The following USP42 variants were observed in gnomAD, a reference collection of about 807,000 sequenced individuals.
The protein encoded by USP42 is ubiquitin specific peptidase 42.
Under a neutral mutation model 113.0 loss-of-function variants are expected in USP42, and 23 were observed. The ratio of observed to expected loss-of-function variants is 0.20; its 90% CI spans 0.15 to 0.29. The LOEUF (loss-of-function observed/expected upper bound fraction) is 0.29, where lower values mean the gene tolerates loss of function less well. USP42 is among the 10% of genes least tolerant of loss of function. The pLI is 1.00. For synonymous variants in USP42, 933 were observed against 699.0 expected (o/e 1.33, Z -5.28); for missense variants, 2,174 against 1,779.8 (o/e 1.22, Z -3.99).
the USP42 span, among the ~76,000 whole-genome samples, chr7:6,098,893 A>C: frequency 6.7e-6 from 1 of 149,882 alleles, no homozygotes; most frequent in Non-Finnish European, 1.5e-5. Context: ...AGGTGTCTGC[A>C]TAGTCTTCGG....
the USP42 span, among the ~76,000 whole-genome samples, chr7:6,092,543 G>C: frequency 7.3e-5 from 11 of 151,058 alleles, no homozygotes; most frequent in African/African-American, 2.7e-4. Context: ...CCACTTCAGG[G>C]GTAAACCCAT....
rs368159644 is a variant in USP42 at position 6,115,350 on chromosome 7, A to G, written c.269A>G (p.Gln90Arg). The change falls in exon 3 of 18, where the codon CAG (glutamine) becomes CGG (arginine). Residue 90 changes from glutamine to arginine, a missense_variant. Gln to Arg is a conservative substitution (Grantham distance 43). Coordinates refer to ENST00000306177, the MANE Select transcript of USP42 (RefSeq NM_032172.3). ...CTAGGTGATGGCATCGCTCCTCCAC[A>G]GAAAGTTCTTTTCCCATCTGAGAAG... Reference protein sequence around the residue: ...QALGDGIAPPQKVLFPSEKIC... With the variant: ...QALGDGIAPPRKVLFPSEKIC... The G allele has an allele frequency of 1.9e-6, 3 of 1,614,044 alleles. No homozygotes were observed. Among genetic ancestry groups the G allele is most frequent in the Non-Finnish European group, 1.7e-6 (2 of 1,179,898 alleles).
At chr7:6,152,883 T>TC in intron 14 of USP42, 1 of 969,296 alleles carries the variant, frequency 1.0e-6, no homozygotes, top group Non-Finnish European at 1.2e-6. Context: ...CCTTTGAGGG[T>TC]CCAAGAGAAA....
At chr7:6,094,777 C>A in the USP42 span, among the ~76,000 whole-genome samples, 4 of 150,250 alleles carry the variant, frequency 2.7e-5, no homozygotes, top group East Asian at 7.8e-4. Context: ...CCAGAGGGGG[C>A]AGTTTCAGGG....
chr7:6,110,023 A>G (rs1338118946), intron 1 of USP42, among the ~76,000 whole-genome samples: 5 of 149,838 alleles, frequency 3.3e-5, no homozygotes, highest in Admixed American at 3.3e-4. Flanking sequence ...TCGTAGAGAC[A>G]GGGTCTCACC....
chr7:6,119,135 A>G (rs1780073720), intron 3 of USP42, among the ~76,000 whole-genome samples: 1 of 151,878 alleles, frequency 6.6e-6, no homozygotes, highest in South Asian at 2.1e-4. Flanking sequence ...GGATTGCTTG[A>G]GCCTGGGAGT....
chr7:6,120,186 G>C (rs919441999), intron 3 of USP42, among the ~76,000 whole-genome samples: 1 of 152,060 alleles, frequency 6.6e-6, no homozygotes, highest in Non-Finnish European at 1.5e-5. Context: ...GGATGGTCTT[G>C]ATCTCCTGAC....
chr7:6,160,218 T>C (rs560517172), intron 17 of USP42, among the ~76,000 whole-genome samples: 16 of 152,352 alleles, frequency 1.1e-4, no homozygotes, highest in East Asian at 9.7e-4. Flanking sequence ...TGTGGATTAA[T>C]TGGCCGTTAA....
chr7:6,145,151 G>T (rs1023912595), intron 9 of USP42, among the ~76,000 whole-genome samples: 6 of 151,804 alleles, frequency 4.0e-5, no homozygotes, highest in Admixed American at 6.6e-5. Flanking sequence ...AGCCAAGATG[G>T]TGAAACCCCT....
At chr7:6,149,181 T>C (rs766061626) in intron 12 of USP42, among the ~76,000 whole-genome samples, 32 of 152,186 alleles carry the variant, frequency 2.1e-4, no homozygotes, top group Non-Finnish European at 4.0e-4. Flanking sequence ...TCCGCCCACG[T>C]GACCGTCTCC....
At chr7:6,100,090 C>A (rs867245596), upstream of USP42, among the ~76,000 whole-genome samples, 7 of 148,976 alleles carry the variant, frequency 4.7e-5, no homozygotes, top group South Asian at 1.3e-3. Flanking sequence ...TGGCCTCAAG[C>A]GATCTTCCGG....
At chr7:6,087,916 C>T in the USP42 span, among the ~76,000 whole-genome samples, 4,575 of 151,240 alleles carry the variant, frequency 0.03, 137 homozygotes, top group Non-Finnish European at 0.043. Flanking sequence ...GCTTTGTAGT[C>T]GTGTTGCAAA....
chr7:6,146,776 A>G (rs932022545), intron 11 of USP42, among the ~76,000 whole-genome samples: 5 of 152,222 alleles, frequency 3.3e-5, no homozygotes, highest in Non-Finnish European at 5.9e-5. Flanking sequence ...TGAGCACTGA[A>G]GGTGCAGCTG....
chr7:6,089,493 C>G, the USP42 span, among the ~76,000 whole-genome samples: 1 of 150,470 alleles, frequency 6.6e-6, no homozygotes, highest in South Asian at 2.1e-4. Context: ...ACCCAGAACA[C>G]TCTTCTGACC....
At position 6,154,146 on chromosome 7, in the gene USP42, G is replaced by A; in HGVS notation, c.2592G>A (p.Glu864=). The A allele has an allele frequency of 1.3e-6, 2 of 1,595,530 alleles. No homozygotes were observed. Among genetic ancestry groups the A allele is most frequent in the South Asian group, 1.1e-5 (1 of 90,468 alleles). Residue 864 remains glutamate (E), a synonymous_variant, in exon 15 of 18, where the codon GAG becomes GAA. Coordinates refer to ENST00000306177, the MANE Select transcript of USP42 (RefSeq NM_032172.3). ...GTCCGGCTCCGCCTGCGCGGTCGGA[G>A]GAGCCCTGCGAGCAGCCACTCCTTG... ...GLSPAPPARS[E]EPCEQPLLVH...
rs1583671140 is a variant in USP42, at chr7:6,149,790, G to A, written c.1594G>A (p.Val532Ile). The part of the protein sequence containing the change: ...ITISIHNKLP[V>I]RQCQSQPNLH... The stretch of plus-strand genomic sequence containing the variant: ...AATCAGTATTCACAACAAGTTGCCT[G>A]TTCGCCAGTGTCAGTCTCAACCTAA... The change falls in exon 13 of 18, where the codon GTT becomes ATT. Residue 532 changes from valine to isoleucine, a missense_variant. Coordinates refer to ENST00000306177, the MANE Select transcript of USP42 (RefSeq NM_032172.3). The A allele has an allele frequency of 1.9e-6, 3 of 1,614,008 alleles. No individual in the cohort carries two copies. The highest frequency in any genetic ancestry group is 3.3e-4 in the Middle Eastern group (2 of 6,062).
At chr7:6,089,686 C>A in the USP42 span, among the ~76,000 whole-genome samples, 1 of 150,394 alleles carries the variant, frequency 6.6e-6, no homozygotes, top group African/African-American at 2.5e-5. Context: ...GCATGCACCA[C>A]CACGCCTGGC....
intron 1 of USP42, among the ~76,000 whole-genome samples, 153 bp downstream of exon 1, chr7:6,105,185 C>A (rs927248075): frequency 2.7e-5 from 4 of 145,574 alleles, no homozygotes; most frequent in African/African-American, 9.8e-5. Context: ...CCTACACAGC[C>A]GCGGGCCGCC....
chr7:6,140,459 A>G (rs1181055294), intron 6 of USP42, among the ~76,000 whole-genome samples: 1 of 151,960 alleles, frequency 6.6e-6, no homozygotes, highest in Non-Finnish European at 1.5e-5. Context: ...ACATTTCAGC[A>G]CACAGGCCTA....
Sources: gnomAD v4.1 joint callset for allele counts (sites outside exome capture counted in the v4.1 genomes callset) on GRCh38, gnomAD v4.1.1 for gene constraint, MANE v1.5 for transcripts, NCBI Gene and HGNC (gene_info 2026-07-23, HGNC 2026-07-21) for gene names.